The following ACAD11 variants were observed in gnomAD, a reference collection of about 807,000 sequenced individuals.
The protein encoded by ACAD11 is acyl-CoA dehydrogenase family member 11, also known as acyl-Coenzyme A dehydrogenase family, member 11.
A neutral mutation model predicts 102.2 loss-of-function variants in ACAD11; 83 were observed. The ratio of observed to expected loss-of-function variants is 0.81; its 90% CI spans 0.68 to 0.97. The LOEUF (loss-of-function observed/expected upper bound fraction) is 0.97. Ranked by LOEUF, ACAD11 falls within the 50% of genes least tolerant of loss-of-function variation. ACAD11 has a pLI of 0.00. For synonymous variants in ACAD11, 324 were observed against 319.8 expected (o/e 1.01, Z -0.14); for missense variants, 901 against 951.7 (o/e 0.95, Z 0.70).
intron 11 of ACAD11, among the ~76,000 whole-genome samples, chr3:132,607,362 A>G (rs1938892100): frequency 6.6e-6 from 1 of 152,184 alleles, no homozygotes; most frequent in African/African-American, 2.4e-5. Flanking sequence ...AATGCAAGGA[A>G]CCTAAGAACC....
In ACAD11 at chr3:132,559,104, C is replaced by A; in HGVS notation, c.2229-19G>T. 6.6e-7 allele frequency: 1 copy of A among 1,515,936 alleles called. No individual in the cohort carries two copies. The highest frequency in any genetic ancestry group is 1.1e-5 in the South Asian group (1 of 88,892). 93.9% of individuals were successfully genotyped at this position (1,515,936 alleles called of 1,614,324 possible). On this transcript the variant is annotated intron_variant, in intron 19 of 19. Transcript: ENST00000264990. ...AGCATACCTGAAAAAGCAAAAGAAT[C>A]AGGGAACACAGGGAGTTATGGAAGA...
intron 18 of ACAD11, 64 bp from the exon 19 acceptor site, chr3:132,560,006 G>A: frequency 1.5e-6 from 2 of 1,319,180 alleles, no homozygotes; most frequent in East Asian, 2.5e-5. Flanking sequence ...GGCAAAACTG[G>A]GAAATGAAAC....
At chr3:132,607,741 G>A (rs1052610066) in intron 11 of ACAD11, among the ~76,000 whole-genome samples, 1 of 152,068 alleles carries the variant, frequency 6.6e-6, no homozygotes, top group African/African-American at 2.4e-5. Context: ...CCTAGAAAGA[G>A]AGGCCAACAT....
At chr3:132,609,092 A>G (rs1209316442) in intron 11 of ACAD11, among the ~76,000 whole-genome samples, 3 of 152,222 alleles carry the variant, frequency 2.0e-5, no homozygotes, top group Non-Finnish European at 4.4e-5. Flanking sequence ...TTTGAAACCA[A>G]TAAGAACAAA....
chr3:132,575,941 G>GA lies in ACAD11; in HGVS notation c.1847-16dup. The GA allele has an allele frequency of 6.2e-7, 1 of 1,603,580 alleles. No individual in the cohort carries two copies. The highest frequency in any genetic ancestry group is 8.5e-7 in the Non-Finnish European group (1 of 1,176,158). The stretch of plus-strand genomic sequence containing the variant: ...CCTACCTTCACCTGGGAAGAAAGGG[G>GA]AAAAAAAGGGGGAATGTGAAAATGG... On this transcript the variant is annotated splice_polypyrimidine_tract_variant and intron_variant, in intron 16 of 19. Coordinates refer to ENST00000264990, the MANE Select transcript of ACAD11 (RefSeq NM_032169.5).
At chr3:132,603,363 A>C (rs1559952250) in intron 12 of ACAD11, 36 bp from the exon 13 acceptor site, 1 of 1,548,312 alleles carries the variant, frequency 6.5e-7, no homozygotes, top group Admixed American at 1.7e-5. Flanking sequence ...ACAGGCAGGC[A>C]GATATCATCA....
chr3:132,592,711 AG>A (rs1454377773), intron 13 of ACAD11, among the ~76,000 whole-genome samples: 2 of 152,230 alleles, frequency 1.3e-5, no homozygotes, highest in Admixed American at 1.3e-4. Flanking sequence ...AGAATTTCTG[AG>A]GTAGAACACC....
At chr3:132,653,759 C>T (rs1196600466) in intron 1 of ACAD11, among the ~76,000 whole-genome samples, 1 of 152,150 alleles carries the variant, frequency 6.6e-6, no homozygotes, top group African/African-American at 2.4e-5. Context: ...TCCCCCACCT[C>T]TTTGGCCACT....
At chr3:132,591,747 C>T (rs1938088393) in intron 13 of ACAD11, among the ~76,000 whole-genome samples, 1 of 152,020 alleles carries the variant, frequency 6.6e-6, no homozygotes, top group African/African-American at 2.4e-5. Flanking sequence ...AAAAATTCAC[C>T]AAGCACGGTG....
intron 5 of ACAD11, among the ~76,000 whole-genome samples, chr3:132,636,410 T>C (rs888541218): frequency 1.3e-5 from 2 of 152,210 alleles, no homozygotes; most frequent in African/African-American, 2.4e-5. Flanking sequence ...TTTACACCAT[T>C]GAATTTTATT....
In ACAD11 at chr3:132,618,719, T is replaced by C. The variant is rs201536830; in HGVS notation, c.1329A>G (p.Gly443=). The C allele has an allele frequency of 1.2e-6, 2 of 1,602,238 alleles. No individual in the cohort carries two copies. The highest frequency in any genetic ancestry group is 2.3e-5 in the East Asian group (1 of 43,770). The change falls in exon 11 of 20, where the codon GGA becomes GGG. Residue 443 remains glycine, a synonymous_variant. Coordinates refer to ENST00000264990, the MANE Select transcript of ACAD11 (RefSeq NM_032169.5). ...LWNLFLPAVS[G]LSHVDYALIA... is the part of the protein sequence containing the mutation. Reference sequence around the variant, plus strand: ...TCAAGGCATAGTCCACGTGGCTGAGTCCGCTGACAGCTGGCAAAAACAAGT... The same window carrying C: ...TCAAGGCATAGTCCACGTGGCTGAGCCCGCTGACAGCTGGCAAAAACAAGT...
chr3:132,618,126 T>G (rs375071083), intron 11 of ACAD11: 1 of 152,280 alleles, frequency 6.6e-6, no homozygotes. Context: ...TAATTATTAT[T>G]TATTTTTGTA....
chr3:132,639,050 C>T (rs951888131), intron 5 of ACAD11, among the ~76,000 whole-genome samples: 1 of 152,138 alleles, frequency 6.6e-6, no homozygotes, highest in Non-Finnish European at 1.5e-5. Flanking sequence ...TCTTTTGAAG[C>T]CTCAAGAAGC....
Position 132,574,264 on chromosome 3 carries a change from G to T in ACAD11, c.2001+1508C>A, listed in dbSNP as rs540629366. ...ACAAAAGGGTAAGAAGTAATGGTTG[G>T]TGCCCTGAGCACCTCTTCATCCTTC... On this transcript the variant is annotated intron_variant, in intron 17 of 19. Coordinates refer to ENST00000264990, the MANE Select transcript of ACAD11 (RefSeq NM_032169.5). 2.0e-5 allele frequency among the ~76,000 whole-genome samples: 3 copies of T among 152,246 alleles called. No individual in the cohort carries two copies. In the South Asian group the frequency reaches 6.2e-4, roughly 32 times the overall value.
At position 132,631,350 on chromosome 3, in the gene ACAD11, C is replaced by T; in HGVS notation, c.832G>A (p.Glu278Lys). 6.9e-7 allele frequency: 1 copy of T among 1,446,788 alleles called. No individual in the cohort carries two copies. The highest frequency in any genetic ancestry group is 9.2e-7 in the Non-Finnish European group (1 of 1,092,846). The allele number at this position is 1,446,788 out of a possible 1,614,324, so 89.6% of individuals were successfully genotyped here. A position where few individuals can be genotyped will look rare whatever the true frequency, so the allele number is the denominator to read the frequency against. ...VPMINQGSYS[E>K]NSGIPSMEEL... is the part of the protein sequence containing the mutation. The stretch of plus-strand genomic sequence containing the variant: ...CATTATGTTTTTATACCTGAGTTTT[C>T]ACTATAAGAACCTTGATTTATCATT... Residue 278 changes from glutamate to lysine, a missense_variant, in exon 6 of 20, where the codon GAA becomes AAA. Transcript: ENST00000264990.
intron 11 of ACAD11, among the ~76,000 whole-genome samples, chr3:132,608,457 A>G (rs1308311991): frequency 6.6e-6 from 1 of 151,944 alleles, no homozygotes; most frequent in African/African-American, 2.4e-5. Flanking sequence ...AAAGCAAAAC[A>G]AAAACAAACA....
chr3:132,616,132 A>G (rs538454076), intron 11 of ACAD11, among the ~76,000 whole-genome samples: 29 of 152,340 alleles, frequency 1.9e-4, no homozygotes, highest in African/African-American at 5.0e-4. Context: ...TTCACCACAA[A>G]GAGAAAACGC....
intron 11 of ACAD11, among the ~76,000 whole-genome samples, chr3:132,613,078 G>T (rs1939231532): frequency 6.6e-6 from 1 of 151,954 alleles, no homozygotes; most frequent in African/African-American, 2.4e-5. Context: ...CCTTTGTAGG[G>T]ACATGGATAA....
rs34243797 is a variant in ACAD11 at position 132,645,674 on chromosome 3, GA to G, written c.150-779del. On this transcript the variant is annotated intron_variant, in intron 1 of 19. Coordinates refer to ENST00000264990, the MANE Select transcript of ACAD11 (RefSeq NM_032169.5). Reference sequence around the variant, plus strand: ...AGGTAATAGGTAATAGGAGAAAGTAGAAAAAAAAATCTTTGGAGCTTCTTCC... The same window carrying G: ...AGGTAATAGGTAATAGGAGAAAGTAGAAAAAAAATCTTTGGAGCTTCTTCC... 4.8e-4 allele frequency among the ~76,000 whole-genome samples: 73 copies of G among 151,658 alleles called. 2 individuals are homozygous for G. Among genetic ancestry groups the G allele is most frequent in the East Asian group, 1.9e-4 (1 of 5,158 alleles).
Sources: gnomAD v4.1 joint callset for allele counts (sites outside exome capture counted in the v4.1 genomes callset) on GRCh38, gnomAD v4.1.1 for gene constraint, MANE v1.5 for transcripts, NCBI Gene and HGNC (gene_info 2026-07-23, HGNC 2026-07-21) for gene names.